Variants in UNC13C observed in about 807,000 individuals in gnomAD.
The protein encoded by UNC13C is protein unc-13 homolog C.
UNC13C carries 174 observed loss-of-function variants against 245.4 expected under a neutral mutation model. That is an observed-to-expected ratio of 0.71 (90% CI 0.63 to 0.80). The LOEUF (loss-of-function observed/expected upper bound fraction) is 0.80, where lower values mean the gene tolerates loss of function less well. Ranked by LOEUF, UNC13C falls within the 30% of genes least tolerant of loss-of-function variation. UNC13C has a pLI of 0.00. For missense variants in UNC13C, 2,829 were observed against 2,602.9 expected (o/e 1.09, Z -1.89); for synonymous variants, 992 against 895.1 (o/e 1.11, Z -1.93).
chr15:54,373,568 A>T lies in UNC13C; in HGVS notation c.4714-19480A>T, dbSNP rs546385492. Among the ~76,000 whole-genome samples, 9 of 152,270 alleles carry T rather than the reference A, an allele frequency of 5.9e-5. No homozygotes were observed. The South Asian group carries it at 1.5e-3, about 25-fold the overall frequency. On this transcript the variant is annotated intron_variant, in intron 17 of 32. Coordinates refer to ENST00000260323, the MANE Select transcript of UNC13C (RefSeq NM_001080534.3). Reference sequence around the variant, plus strand: ...CTGCAGCTGGTCCAGGCTTGCCACAAGCAGCTTCCACTGCTGGCACCAGGG... The same window carrying T: ...CTGCAGCTGGTCCAGGCTTGCCACATGCAGCTTCCACTGCTGGCACCAGGG...
chr15:54,549,501 C>A, intron 27 of UNC13C, 134 bp from the exon 28 acceptor site: 1 of 656,380 alleles, frequency 1.5e-6, no homozygotes, highest in Non-Finnish European at 2.5e-6. Flanking sequence ...TATAATAGAC[C>A]AATTAAGGGC....
rs536261209 is a variant in UNC13C at position 54,203,075 on chromosome 15, G to T, written c.3072-31955G>T. On this transcript the variant is annotated intron_variant, in intron 4 of 32. Coordinates refer to ENST00000260323, the MANE Select transcript of UNC13C (RefSeq NM_001080534.3). Reference sequence around the variant, plus strand: ...AAAAAGGCCAACAAGCATATGGAAAGATGCCCAACATCACTAACTGTCAGA... The same window carrying T: ...AAAAAGGCCAACAAGCATATGGAAATATGCCCAACATCACTAACTGTCAGA... Among the ~76,000 whole-genome samples the T allele has an allele frequency of 1.3e-4, 19 of 151,802 alleles. No individual in the cohort carries two copies. The East Asian group carries it at 3.5e-3, about 28-fold the overall frequency.
At chr15:54,293,006 G>T (rs1175259919) in intron 10 of UNC13C, among the ~76,000 whole-genome samples, 1 of 150,542 alleles carries the variant, frequency 6.6e-6, no homozygotes, top group East Asian at 1.9e-4. Context: ...ATGTGTGTGT[G>T]TATATACATA....
At chr15:54,299,555 A>T (rs1336294802) in intron 12 of UNC13C, among the ~76,000 whole-genome samples, 1 of 152,182 alleles carries the variant, frequency 6.6e-6, no homozygotes, top group Non-Finnish European at 1.5e-5. Flanking sequence ...TTCCTTCTGC[A>T]AATGGTTTGG....
chr15:54,054,521 C>A (rs1221569963), intron 2 of UNC13C, among the ~76,000 whole-genome samples: 12 of 152,068 alleles, frequency 7.9e-5, no homozygotes, highest in Admixed American at 7.9e-4. Flanking sequence ...TGCTGATATA[C>A]CATTGCAGAA....
chr15:53,932,879 C>G, the UNC13C span, among the ~76,000 whole-genome samples: 1 of 152,170 alleles, frequency 6.6e-6, no homozygotes, highest in African/African-American at 2.4e-5. Flanking sequence ...TTAATTTTCA[C>G]AAAAGAATTT....
rs1015299132 is a variant in UNC13C at position 54,506,933 on chromosome 15, T to G, written c.5302-184T>G. 1.6e-4 allele frequency among the ~76,000 whole-genome samples: 25 copies of G among 152,138 alleles called. 1 individual carries two copies. Among genetic ancestry groups the G allele is most frequent in the Admixed American group, 9.2e-4 (14 of 15,262 alleles). On this transcript the variant is annotated intron_variant, in intron 22 of 32. Transcript: ENST00000260323. ...ATTTAATTAACATGGTTTATTTTCC[T>G]CTGCTTTGCATAATTAATGAAAACA...
At chr15:54,298,088 A>G (rs1231239997) in intron 12 of UNC13C, among the ~76,000 whole-genome samples, 162 bp downstream of exon 12, 4 of 152,168 alleles carry the variant, frequency 2.6e-5, no homozygotes, top group South Asian at 2.1e-4. Flanking sequence ...CATAAATTCT[A>G]TGTGTTGTAT....
intron 4 of UNC13C, among the ~76,000 whole-genome samples, chr15:54,149,235 A>C (rs898409782): frequency 6.6e-6 from 1 of 152,142 alleles, no homozygotes; most frequent in African/African-American, 2.4e-5. Flanking sequence ...TCTTTTCTTT[A>C]TAAATTACCC....
intron 2 of UNC13C, among the ~76,000 whole-genome samples, chr15:54,059,226 G>T (rs963334434): frequency 6.6e-6 from 1 of 151,868 alleles, no homozygotes; most frequent in African/African-American, 2.4e-5. Flanking sequence ...ATTAGCCTCA[G>T]CCCAAAATCC....
intron 19 of UNC13C, among the ~76,000 whole-genome samples, chr15:54,490,460 A>T (rs1893645276): frequency 1.3e-5 from 2 of 152,074 alleles, no homozygotes; most frequent in Non-Finnish European, 2.9e-5. Context: ...AGGAGGATGA[A>T]TTGGAGGAGA....
the UNC13C span, among the ~76,000 whole-genome samples, chr15:53,843,612 C>G: frequency 6.6e-6 from 1 of 151,856 alleles, no homozygotes; most frequent in Non-Finnish European, 1.5e-5. Flanking sequence ...GGCTAGAGGT[C>G]TGAAGAGGAT....
the UNC13C span, among the ~76,000 whole-genome samples, chr15:53,874,422 T>A: frequency 6.6e-6 from 1 of 152,200 alleles, no homozygotes; most frequent in Non-Finnish European, 1.5e-5. Flanking sequence ...ACCAGGAATG[T>A]CTGACTTCTA....
At chr15:54,610,393 C>A (rs1244314748) in intron 30 of UNC13C, among the ~76,000 whole-genome samples, 1 of 152,052 alleles carries the variant, frequency 6.6e-6, no homozygotes, top group East Asian at 1.9e-4. Flanking sequence ...CACCAACATG[C>A]CTAGCTAATT....
chr15:54,482,306 C>T (rs1227686001), intron 19 of UNC13C, among the ~76,000 whole-genome samples: 2 of 152,074 alleles, frequency 1.3e-5, no homozygotes, highest in Admixed American at 6.5e-5. Flanking sequence ...CTCAAAATAG[C>T]ACAATATTGC....
chr15:54,583,882 G>A (rs1898328635), intron 30 of UNC13C, among the ~76,000 whole-genome samples: 1 of 152,206 alleles, frequency 6.6e-6, no homozygotes, highest in Non-Finnish European at 1.5e-5. Flanking sequence ...AATAAGTCCT[G>A]CTTCCTACTT....
At chr15:54,090,300 CAA>C (rs5812738) in intron 2 of UNC13C, among the ~76,000 whole-genome samples, 16 of 146,186 alleles carry the variant, frequency 1.1e-4, no homozygotes, top group Non-Finnish European at 1.7e-4. Context: ...CTATAGAAAA[CAA>C]AAAAAAAAAG....
At chr15:54,329,783 T>A (rs914697047) in intron 14 of UNC13C, among the ~76,000 whole-genome samples, 3 of 152,098 alleles carry the variant, frequency 2.0e-5, no homozygotes, top group Non-Finnish European at 2.9e-5. Context: ...AGTTTTCTAT[T>A]TTCCTTGAAT....
the UNC13C span, among the ~76,000 whole-genome samples, chr15:53,872,625 C>T: frequency 6.6e-6 from 1 of 152,256 alleles, no homozygotes; most frequent in Non-Finnish European, 1.5e-5. Flanking sequence ...GTCTCCATGC[C>T]TCTAGGCTCT....
Sources: gnomAD v4.1 joint callset for allele counts (sites outside exome capture counted in the v4.1 genomes callset) on GRCh38, gnomAD v4.1.1 for gene constraint, MANE v1.5 for transcripts, NCBI Gene and HGNC (gene_info 2026-07-23, HGNC 2026-07-21) for gene names.